The following C19orf44 variants were observed in gnomAD, a reference collection of about 807,000 sequenced individuals.
C19orf44 encodes the protein uncharacterized protein C19orf44.
C19orf44 carries 43 observed loss-of-function variants against 50.7 expected under a neutral mutation model. That is an observed-to-expected ratio of 0.85 (90% confidence interval 0.66 to 1.09). The LOEUF (loss-of-function observed/expected upper bound fraction) is 1.09. Ranked by LOEUF, C19orf44 falls within the 50% of genes least tolerant of loss-of-function variation. The pLI, the probability that C19orf44 is intolerant of heterozygous loss-of-function variation, is 0.00. For missense variants in C19orf44, 722 were observed against 836.2 expected, an observed-to-expected ratio of 0.86 and a Z score of 1.68; for synonymous variants, 298 against 334.7, an observed-to-expected ratio of 0.89 and a Z score of 1.20.
intron 7 of C19orf44, among the ~76,000 whole-genome samples, chr19:16,515,944 G>A (rs1219514867): frequency 6.6e-6 from 1 of 151,502 alleles, no homozygotes; most frequent in Non-Finnish European, 1.5e-5. Flanking sequence ...TTACAGGTGC[G>A]AACCACCATG....
chr19:16,506,955 G>A (rs1052283284), intron 4 of C19orf44, among the ~76,000 whole-genome samples, 181 bp downstream of exon 4: 2 of 152,104 alleles, frequency 1.3e-5, no homozygotes, highest in Non-Finnish European at 2.9e-5. Context: ...TTACAGGTGT[G>A]AGCGACCATG....
chr19:16,517,913 T>C (rs547167877), intron 8 of C19orf44: 1 of 152,424 alleles, frequency 6.6e-6, no homozygotes, highest in Non-Finnish European at 1.5e-5. Flanking sequence ...AAAGGCTTTA[T>C]TTGAAGGCAA....
chr19:16,509,167 G>A (rs918092364), intron 4 of C19orf44, among the ~76,000 whole-genome samples: 3 of 151,548 alleles, frequency 2.0e-5, no homozygotes, highest in African/African-American at 7.3e-5. Context: ...GTCTTGCTGT[G>A]TTGCCCAGGC....
At chr19:16,511,612 G>A (rs565975586) in intron 5 of C19orf44, among the ~76,000 whole-genome samples, 2 of 151,064 alleles carry the variant, frequency 1.3e-5, no homozygotes, top group African/African-American at 4.9e-5. Flanking sequence ...ATGGGGTCTC[G>A]CTCTGTTGCC....
At chr19:16,518,356 C>A (rs2085567281) in intron 8 of C19orf44, 1 of 152,046 alleles carries the variant, frequency 6.6e-6, no homozygotes, top group African/African-American at 2.4e-5. Flanking sequence ...ACGCGACGGG[C>A]ACAGACTCCG....
At position 16,509,860 on chromosome 19, in the gene C19orf44, G is replaced by C; in HGVS notation, c.1511G>C (p.Ser504Thr). ...TLDALSESSSSVKTDLPQTAE... is the reference protein window; with the variant it reads ...TLDALSESSSTVKTDLPQTAE... ...GACGCTTTGTCTGAATCCTCTTCAA[G>C]TGTGAAGACAGACCTTCCACAAACA... Residue 504 changes from serine (S) to threonine (T), a missense_variant, in exon 5 of 9, where the codon AGT becomes ACT. Ser to Thr is a moderately conservative substitution (Grantham distance 58). Coordinates refer to ENST00000221671, the MANE Select transcript of C19orf44 (RefSeq NM_032207.4). 6.2e-7 allele frequency: 1 copy of C among 1,614,270 alleles called. No individual in the cohort carries two copies. The highest frequency in any genetic ancestry group is 8.5e-7 in the Non-Finnish European group (1 of 1,180,054).
At chr19:16,517,941 G>A (rs1165201203) in intron 8 of C19orf44, 1 of 152,234 alleles carries the variant, frequency 6.6e-6, no homozygotes. Flanking sequence ...AAATCCACAA[G>A]AAATTACTAA....
Position 16,519,468 on chromosome 19 carries a change from G to GC in C19orf44, c.*41-625dup. On this transcript the variant is annotated intron_variant, in intron 8 of 8. Transcript: ENST00000221671. The surrounding 1 kb of genome is among the most constrained non-coding windows in gnomAD (Gnocchi z 6.0). ...CATGGGAAATGGGTAGAGAGAACCC[G>GC]CAGGCCGGCCCTGTCTAGAGGGTCT... The GC allele has an allele frequency of 7.7e-7, 1 of 1,294,016 alleles. No homozygotes were observed. Among genetic ancestry groups the GC allele is most frequent in the South Asian group, 1.3e-5 (1 of 75,438 alleles). The allele number at this position is 1,294,016 out of a possible 1,614,324, so 80.2% of individuals were successfully genotyped here. A position where few individuals can be genotyped will look rare whatever the true frequency, so the allele number is the denominator to read the frequency against.
rs1227747963 is a variant in C19orf44 at position 16,501,308 on chromosome 19, G to C, written c.516G>C (p.Arg172Ser). 6 of 1,614,138 alleles carry C rather than the reference G, an allele frequency of 3.7e-6. No homozygotes were observed. In the South Asian group the frequency reaches 6.6e-5, roughly 18 times the overall value. Residue 172 changes from arginine to serine, a missense_variant, in exon 2 of 9, where the codon AGG becomes AGC. Physicochemically the swap from Arg to Ser is moderately radical, Grantham distance 110. Transcript: ENST00000221671. ...ATGCACAGAACGCGAAGGTCAGTAG[G>C]TTTCTAAAGAAGAAACAAGCACCTG... ...ENNAQNAKVS[R>S]FLKKKQAPVE...
intron 3 of C19orf44, 109 bp from the exon 4 acceptor site, chr19:16,506,592 C>CAAA: frequency 3.3e-6 from 2 of 613,754 alleles, no homozygotes; most frequent in Non-Finnish European, 4.9e-6. Flanking sequence ...GACTCTATCT[C>CAAA]AAAAAAAAAA....
rs1204626240 is a variant in C19orf44 at position 16,513,087 on chromosome 19, T to C, written c.1713T>C (p.Val571=). 2.5e-6 allele frequency: 4 copies of C among 1,614,006 alleles called. No homozygotes were observed. The highest frequency in any genetic ancestry group is 3.4e-6 in the Non-Finnish European group (4 of 1,180,022). The change falls in exon 6 of 9, where the codon GTT becomes GTC. Residue 571 remains valine (V), a synonymous_variant. Coordinates refer to ENST00000221671, the MANE Select transcript of C19orf44 (RefSeq NM_032207.4). ...ACCCGACACCCATCGCCAATCATGT[T>C]ATCAGTGCAGATGCAATAGAAGGTA... ...YVDPTPIANH[V]ISADAIEALT...
chr19:16,515,539 A>T (rs1028998422), intron 7 of C19orf44, among the ~76,000 whole-genome samples: 1 of 150,726 alleles, frequency 6.6e-6, no homozygotes. Flanking sequence ...TTTTTTTAAA[A>T]TTTTTTTTTG....
chr19:16,520,036 C>A lies in C19orf44; in HGVS notation c.*41-58C>A. On this transcript the variant is annotated intron_variant, in intron 8 of 8. Coordinates refer to ENST00000221671, the MANE Select transcript of C19orf44 (RefSeq NM_032207.4). This position sits in a 1 kb window ranked among gnomAD's most constrained non-coding sequence, Gnocchi z 4.0. ...GGTGAGGGGTGCCACTGTCCCCGGG[C>A]TAATGCTGGCGGCCTCCTAACACAG... 8.9e-7 allele frequency: 1 copy of A among 1,127,966 alleles called. No individual in the cohort carries two copies. The highest frequency in any genetic ancestry group is 1.4e-5 in the South Asian group (1 of 72,102). The allele number at this position is 1,127,966 out of a possible 1,614,324, so 69.9% of individuals were successfully genotyped here.
At chr19:16,496,920 G>C (rs2122158737) in intron 1 of C19orf44, among the ~76,000 whole-genome samples, 1 of 152,128 alleles carries the variant, frequency 6.6e-6, no homozygotes, top group Non-Finnish European at 1.5e-5. Flanking sequence ...TTGAGGCCAG[G>C]AGATCCAGAC....
intron 2 of C19orf44, 32 bp downstream of exon 2, chr19:16,501,583 T>C (rs1200008743): frequency 7.9e-7 from 1 of 1,269,156 alleles, no homozygotes; most frequent in Admixed American, 3.5e-5. Flanking sequence ...AAATTTATTT[T>C]AATTTATTTA....
At chr19:16,511,759 T>C (rs1387148811) in intron 5 of C19orf44, among the ~76,000 whole-genome samples, 1 of 151,978 alleles carries the variant, frequency 6.6e-6, no homozygotes, top group East Asian at 1.9e-4. Context: ...TTAATATCTC[T>C]TTTCTCATCC....
chr19:16,503,324 G>A lies in C19orf44; in HGVS notation c.1019G>A (p.Ser340Asn), dbSNP rs1317324180. The change falls in exon 3 of 9, where the codon AGT (serine) becomes AAT (asparagine). Residue 340 changes from serine (S) to asparagine (N), a missense_variant. Physicochemically the swap from Ser to Asn is conservative, Grantham distance 46. Coordinates refer to ENST00000221671, the MANE Select transcript of C19orf44 (RefSeq NM_032207.4). ...AAGCTTGTGTCCTCCCCGGGAAGGA[G>A]TGAGGCTGAGACTGTGGACGAGCCA... The part of the protein sequence containing the change: ...HVKLVSSPGR[S>N]EAETVDEPVS... The A allele has an allele frequency of 6.2e-7, 1 of 1,614,156 alleles. No homozygotes were observed. The highest frequency in any genetic ancestry group is 1.1e-5 in the South Asian group (1 of 91,082).
Position 16,520,513 on chromosome 19 carries a change from G to T in C19orf44, c.*460G>T, listed in dbSNP as rs776486612. 1.2e-6 allele frequency: 2 copies of T among 1,609,606 alleles called. No individual in the cohort carries two copies. Among genetic ancestry groups the T allele is most frequent in the South Asian group, 1.1e-5 (1 of 90,398 alleles). ...TCCGAGACCTCGAGGGTCCGCTGTG[G>T]GGAGAGGCCTGATGATCAGGTGCCC... On this transcript the variant is annotated 3_prime_UTR_variant, in exon 9 of 9. Transcript: ENST00000221671. The surrounding 1 kb of genome is among the most constrained non-coding windows in gnomAD (Gnocchi z 4.0).
rs908137564 is a variant in C19orf44 at position 16,506,851 on chromosome 19, T to G, written c.1149+77T>G. On this transcript the variant is annotated intron_variant, in intron 4 of 8. Transcript: ENST00000221671. ...TTTTTTTTTTAAATTTTTAAAAAAT[T>G]TAAAAATTGAGGCAGGGTCTCACTA... The G allele has an allele frequency of 1.3e-5, 15 of 1,148,360 alleles. No individual in the cohort carries two copies. The African/African-American group carries it at 2.4e-4, about 18-fold the overall frequency. The allele number at this position is 1,148,360 out of a possible 1,614,324, so 71.1% of individuals were successfully genotyped here.
Sources: allele counts gnomAD v4.1 joint callset (sites outside exome capture counted in the v4.1 genomes callset), GRCh38; gene constraint gnomAD v4.1.1; non-coding constraint Gnocchi (gnomAD v3.1); transcripts MANE v1.5; gene names NCBI Gene and HGNC (gene_info 2026-07-23, HGNC 2026-07-21).